REV3L: variants seen among roughly 807,000 people sequenced by gnomAD.
REV3L encodes DNA polymerase zeta catalytic subunit.
Under a neutral mutation model 299.4 loss-of-function variants are expected in REV3L, and 69 were observed. That is an observed-to-expected ratio of 0.23 (90% CI 0.19 to 0.28). The LOEUF (loss-of-function observed/expected upper bound fraction) is 0.28. REV3L is among the 10% of genes least tolerant of loss of function. The pLI is 1.00. For missense variants in REV3L, 3,128 were observed against 3,693.8 expected, an observed-to-expected ratio of 0.85 and a Z score of 3.97; for synonymous variants, 1,238 against 1,271.4, an observed-to-expected ratio of 0.97 and a Z score of 0.56.
intron 1 of REV3L, among the ~76,000 whole-genome samples, chr6:111,424,477 C>T (rs934243846): frequency 6.6e-6 from 1 of 152,172 alleles, no homozygotes; most frequent in Non-Finnish European, 1.5e-5. Context: ...CAATTCAAGG[C>T]GTATTTATTC....
chr6:111,480,447 G>A (rs147482531), intron 1 of REV3L, among the ~76,000 whole-genome samples: 82 of 152,086 alleles, frequency 5.4e-4, no homozygotes, highest in African/African-American at 1.9e-3. Flanking sequence ...TATTTTATTG[G>A]ACTAGTTTTC....
chr6:111,373,952 T>C lies in REV3L; in HGVS notation c.4403A>G (p.Lys1468Arg), dbSNP rs756424915. ...TTGCTTTTGCTCCCATGCTATTTGT[T>C]TGATTGGACTTCTCAAGGAAGTTAC... Reference protein sequence around the residue: ...CFVTSLRSPIKQIAWEQKQRG... With the variant: ...CFVTSLRSPIRQIAWEQKQRG... Residue 1468 changes from lysine to arginine, a missense_variant, in exon 13 of 32, where the codon AAA becomes AGA. Transcript: ENST00000368802. The C allele has an allele frequency of 5.6e-6, 9 of 1,614,138 alleles. No homozygotes were observed. The highest frequency in any genetic ancestry group is 2.2e-5 in the South Asian group (2 of 91,078).
chr6:111,367,033 G>A lies in REV3L; in HGVS notation c.6673+82C>T, dbSNP rs3218596. The A allele has an allele frequency of 7.1e-4, 854 of 1,200,524 alleles. 4 individuals are homozygous for A. The African/African-American group carries it at 0.012, about 17-fold the overall frequency. 74.4% of individuals were successfully genotyped at this position (1,200,524 alleles called of 1,614,324 possible). A position where few individuals can be genotyped will look rare whatever the true frequency, so the allele number is the denominator to read the frequency against. Reference sequence around the variant, plus strand: ...GCTATACCTTCATTTAAAAAGCTCTGATTTTCATTACAGTCTAATGTTATC... The same window carrying A: ...GCTATACCTTCATTTAAAAAGCTCTAATTTTCATTACAGTCTAATGTTATC... On this transcript the variant is annotated intron_variant, in intron 14 of 31. Transcript: ENST00000368802.
intron 13 of REV3L, 80 bp from the exon 14 acceptor site, chr6:111,368,108 G>T: frequency 8.0e-7 from 1 of 1,257,774 alleles, no homozygotes. Flanking sequence ...CCTAGATAAA[G>T]TCCCTTTTGG....
At chr6:111,377,630 C>A in intron 12 of REV3L, 71 bp downstream of exon 12, 1 of 1,476,324 alleles carries the variant, frequency 6.8e-7, no homozygotes, top group Admixed American at 1.9e-5. Context: ...AGCCAGAGCG[C>A]CTAGCCTCAA....
At chr6:111,333,487 T>C (rs950511876) in intron 22 of REV3L, 120 bp from the exon 23 acceptor site, 84 of 1,327,564 alleles carry the variant, frequency 6.3e-5, no homozygotes, top group Non-Finnish European at 3.1e-5. Flanking sequence ...CTTTTTTTTT[T>C]TTTTGAGACA....
chr6:111,482,149 C>G (rs1793777456), intron 1 of REV3L, among the ~76,000 whole-genome samples: 1 of 152,198 alleles, frequency 6.6e-6, no homozygotes. Context: ...GAGTCACGAC[C>G]TGCACTCACA....
intron 26 of REV3L, among the ~76,000 whole-genome samples, chr6:111,320,060 G>GCC (rs1165923421): frequency 3.3e-5 from 5 of 150,414 alleles, no homozygotes; most frequent in Non-Finnish European, 7.4e-5. Flanking sequence ...ACAGGTGTGA[G>GCC]CCACTGCACC....
chr6:111,440,818 G>A (rs1334486305), intron 1 of REV3L, among the ~76,000 whole-genome samples: 3 of 152,164 alleles, frequency 2.0e-5, no homozygotes, highest in Non-Finnish European at 2.9e-5. Context: ...ATTTGTCTGA[G>A]AAAGTTTTTT....
At chr6:111,364,324 A>T (rs1778990355) in intron 15 of REV3L, among the ~76,000 whole-genome samples, 1 of 152,110 alleles carries the variant, frequency 6.6e-6, no homozygotes, top group Admixed American at 6.6e-5. Context: ...CAAGCAATCA[A>T]TATATTTCCA....
chr6:111,459,002 T>C (rs1282651917), intron 1 of REV3L, among the ~76,000 whole-genome samples: 1 of 152,036 alleles, frequency 6.6e-6, no homozygotes, highest in Admixed American at 6.6e-5. Context: ...AGAAAAAACC[T>C]GGAGGCATCA....
chr6:111,316,392 G>A (rs999928094), intron 26 of REV3L, among the ~76,000 whole-genome samples: 5 of 151,890 alleles, frequency 3.3e-5, no homozygotes, highest in Admixed American at 6.6e-5. Flanking sequence ...GGCTGGGTGC[G>A]GTGGCTCACA....
chr6:111,304,056 T>C (rs1434872258), intron 31 of REV3L, among the ~76,000 whole-genome samples: 1 of 152,106 alleles, frequency 6.6e-6, no homozygotes, highest in Admixed American at 6.6e-5. Flanking sequence ...ACTTAAGAAG[T>C]ATATTTTTTG....
At chr6:111,318,038 A>G (rs1214186280) in intron 26 of REV3L, among the ~76,000 whole-genome samples, 1 of 152,044 alleles carries the variant, frequency 6.6e-6, no homozygotes, top group African/African-American at 2.4e-5. Context: ...CAAAGCTCCA[A>G]TGAAGAATCA....
rs1287054743 is a variant in REV3L, at chr6:111,337,942, T to C, written c.7539-2332A>G. ...ATTTACACTTTGCCCTCTCAACATA[T>C]GGACAGAGAGCTGACCTGGAGAAAC... On this transcript the variant is annotated intron_variant, in intron 21 of 31. Transcript: ENST00000368802. Among the ~76,000 whole-genome samples the C allele has an allele frequency of 2.6e-5, 4 of 152,112 alleles. No homozygotes were observed. In the East Asian group the frequency reaches 5.8e-4, roughly 22 times the overall value.
chr6:111,380,250 A>C, intron 10 of REV3L, 31 bp from the exon 11 acceptor site: 6 of 1,480,888 alleles, frequency 4.1e-6, no homozygotes, highest in Non-Finnish European at 5.6e-6. Context: ...TCACCAACAA[A>C]TAAGTTTTCT....
Position 111,333,217 on chromosome 6 carries a change from G to T in REV3L, c.7831C>A (p.Leu2611Ile), listed in dbSNP as rs758537704. ...PESRFYSNSV[L>I]VLDFQSLYPS... ...TAAAGTGATTGGAAATCCAAAACGA[G>T]AACAGAGTTGCTATAGAAGCGGGAT... The change falls in exon 23 of 32, where the codon CTC becomes ATC. Residue 2611 changes from leucine (L) to isoleucine (I), a missense_variant. Leu to Ile is a conservative substitution (Grantham distance 5). Transcript: ENST00000368802. The T allele has an allele frequency of 5.0e-6, 8 of 1,614,014 alleles. 1 individual carries two copies. The Admixed American group carries it at 6.7e-5, about 13-fold the overall frequency.
chr6:111,339,103 A>G (rs982350167), intron 21 of REV3L, among the ~76,000 whole-genome samples: 3 of 152,174 alleles, frequency 2.0e-5, no homozygotes, highest in Admixed American at 6.5e-5. Flanking sequence ...TGCTATTATT[A>G]TGATAATTAT....
At chr6:111,425,549 G>A (rs1035896142) in intron 1 of REV3L, among the ~76,000 whole-genome samples, 3 of 152,058 alleles carry the variant, frequency 2.0e-5, no homozygotes, top group Admixed American at 6.5e-5. Flanking sequence ...TAAACTGGGT[G>A]GGTAGAGAGG....
Sources: gnomAD v4.1 joint callset for allele counts (sites outside exome capture counted in the v4.1 genomes callset) on GRCh38, gnomAD v4.1.1 for gene constraint, MANE v1.5 for transcripts, NCBI Gene and HGNC (gene_info 2026-07-23, HGNC 2026-07-21) for gene names.